Variants in MAGI2 observed in about 807,000 individuals in gnomAD.
MAGI2 encodes membrane-associated guanylate kinase, WW and PDZ domain-containing protein 2.
Under a neutral mutation model 133.3 loss-of-function variants are expected in MAGI2, and 35 were observed. The observed-to-expected ratio is 0.26, with a 90% CI of 0.20 to 0.35. The LOEUF is 0.35. Among genes scored for constraint, MAGI2 ranks in the 10% least tolerant of loss-of-function variants. The pLI is 1.00. For missense variants in MAGI2, 1,636 were observed against 1,863.4 expected (o/e 0.88, Z 2.25); for synonymous variants, 729 against 710.6 (o/e 1.03, Z -0.41).
At position 79,117,958 on chromosome 7, in the gene MAGI2, G is replaced by A. The variant is rs1819550992; in HGVS notation, c.302-110752C>T. Among the ~76,000 whole-genome samples, 7 of 152,170 alleles carry A rather than the reference G, an allele frequency of 4.6e-5. No individual in the cohort carries two copies. In the South Asian group the frequency reaches 1.4e-3, roughly 32 times the overall value. On this transcript the variant is annotated intron_variant, in intron 1 of 21. Transcript: ENST00000354212. ...ATTCAACTATTCACTGCTTTATGCA[G>A]GTGATAGGTGTTCTCTATTGTAAAC...
At chr7:78,209,024 C>A (rs575169862) in intron 10 of MAGI2, among the ~76,000 whole-genome samples, 1 of 149,954 alleles carries the variant, frequency 6.7e-6, no homozygotes, top group South Asian at 2.1e-4. Context: ...AGATCGAGAC[C>A]ATCTGGGCTA....
intron 10 of MAGI2, among the ~76,000 whole-genome samples, chr7:78,244,523 GA>G (rs1791553002): frequency 6.6e-6 from 1 of 152,104 alleles, no homozygotes; most frequent in Non-Finnish European, 1.5e-5. Context: ...AGATAACTTT[GA>G]AGATAATTAA....
In MAGI2 at chr7:78,612,677, AT is replaced by A. The variant is rs927827260; in HGVS notation, c.538+14442del. Reference sequence around the variant, plus strand: ...GGAAAATCACATTTTATTTTTTTTAATTTTTTTTTTGAGGCGGGGTCTCGCT... The same window carrying A: ...GGAAAATCACATTTTATTTTTTTTAATTTTTTTTTGAGGCGGGGTCTCGCT... On this transcript the variant is annotated intron_variant, in intron 3 of 21. Coordinates refer to ENST00000354212, the MANE Select transcript of MAGI2 (RefSeq NM_012301.4). 6.8e-3 allele frequency among the ~76,000 whole-genome samples: 1,016 copies of A among 149,902 alleles called. 12 individuals are homozygous for A. Among genetic ancestry groups the A allele is most frequent in the African/African-American group, 0.018 (739 of 40,962 alleles).
At chr7:78,565,474 TAAAAA>T (rs59788873) in intron 3 of MAGI2, among the ~76,000 whole-genome samples, 1 of 129,230 alleles carries the variant, frequency 7.7e-6, no homozygotes, top group Admixed American at 7.8e-5. Flanking sequence ...TCTAAAACGC[TAAAAA>T]AAAAAAAAAG....
intron 16 of MAGI2, among the ~76,000 whole-genome samples, chr7:78,146,259 C>CT (rs1823299875): frequency 2.0e-5 from 3 of 151,968 alleles, no homozygotes; most frequent in Admixed American, 1.3e-4. Context: ...TGAGTTGTCA[C>CT]TTTTTTGTCT....
At chr7:79,440,864 C>T (rs764869969) in intron 1 of MAGI2, among the ~76,000 whole-genome samples, 1 of 152,180 alleles carries the variant, frequency 6.6e-6, no homozygotes, top group Non-Finnish European at 1.5e-5. Flanking sequence ...CCTCATTCTG[C>T]TCTGCCATCC....
At chr7:78,443,399 G>A (rs2362599) in intron 6 of MAGI2, among the ~76,000 whole-genome samples, 1,911 of 152,156 alleles carry the variant, frequency 0.013, 43 homozygotes, top group African/African-American at 0.044. Flanking sequence ...AGACACACTT[G>A]GTCATCCTTT....
chr7:78,796,578 G>A (rs1215250791), intron 2 of MAGI2, among the ~76,000 whole-genome samples: 1 of 152,120 alleles, frequency 6.6e-6, no homozygotes, highest in Non-Finnish European at 1.5e-5. Flanking sequence ...ACGGTATGGA[G>A]GTTCCTCAAA....
At position 79,452,274 on chromosome 7, in the gene MAGI2, C is replaced by A. The variant is rs1170580819; in HGVS notation, c.301+746G>T. Among the ~76,000 whole-genome samples the A allele has an allele frequency of 3.3e-5, 5 of 152,184 alleles. No individual in the cohort carries two copies. The East Asian group carries it at 7.7e-4, about 24-fold the overall frequency. ...CCGACCCCCGCCCAGCACTAGACTG[C>A]GCTCCTAGCACCGCGCCTTCTTCCG... is the stretch of plus-strand genomic sequence containing the variant. On this transcript the variant is annotated intron_variant, in intron 1 of 21. Transcript: ENST00000354212.
intron 9 of MAGI2, among the ~76,000 whole-genome samples, chr7:78,281,731 C>A (rs1035988551): frequency 2.0e-5 from 3 of 151,176 alleles, no homozygotes; most frequent in African/African-American, 7.3e-5. Flanking sequence ...GAAAGCTACA[C>A]ATTATCCTGA....
chr7:78,452,157 A>G (rs1248719234), intron 6 of MAGI2, among the ~76,000 whole-genome samples: 3 of 152,046 alleles, frequency 2.0e-5, no homozygotes, highest in South Asian at 2.1e-4. Context: ...CAAAAACTCT[A>G]TGAGGTATTA....
chr7:79,303,298 GAAATA>G (rs1837523027), intron 1 of MAGI2, among the ~76,000 whole-genome samples: 2 of 7,048 alleles, frequency 2.8e-4, no homozygotes, highest in Non-Finnish European at 5.1e-3. Context: ...AAAAGCCATT[GAAATA>G]AAAAAAAACT....
At chr7:79,077,586 A>G in intron 1 of MAGI2, among the ~76,000 whole-genome samples, 1 of 135,566 alleles carries the variant, frequency 7.4e-6, no homozygotes, top group African/African-American at 2.7e-5. Flanking sequence ...AAAAAAAAAA[A>G]AAAAAAAAAT....
rs1836031907 is a variant in MAGI2 at position 79,286,718 on chromosome 7, C to T, written c.301+166302G>A. 2.0e-5 allele frequency among the ~76,000 whole-genome samples: 3 copies of T among 152,062 alleles called. 1 individual carries two copies. The South Asian group carries it at 6.2e-4, about 32-fold the overall frequency. On this transcript the variant is annotated intron_variant, in intron 1 of 21. Transcript: ENST00000354212. ...CAACTTTTGGGTTACAGACTCTGTC[C>T]CTAGGAAATCAACTGTTTTTCAGTT... is the stretch of plus-strand genomic sequence containing the variant.
chr7:79,171,754 A>ATATATATG (rs1478094350), intron 1 of MAGI2, among the ~76,000 whole-genome samples: 5 of 30,050 alleles, frequency 1.7e-4, no homozygotes, highest in Non-Finnish European at 2.1e-4. Context: ...ATATATATAT[A>ATATATATG]TATATATATA....
At chr7:78,325,487 C>T (rs898402271) in intron 9 of MAGI2, among the ~76,000 whole-genome samples, 2 of 152,172 alleles carry the variant, frequency 1.3e-5, no homozygotes, top group African/African-American at 4.8e-5. Flanking sequence ...CCTAGTTGCT[C>T]CAGCTTGAAA....
chr7:78,827,198 C>T (rs189303790), intron 2 of MAGI2, among the ~76,000 whole-genome samples: 66 of 152,246 alleles, frequency 4.3e-4, no homozygotes, highest in African/African-American at 1.5e-3. Flanking sequence ...AAGAAGCCTA[C>T]CTAGGGCACA....
intron 9 of MAGI2, among the ~76,000 whole-genome samples, chr7:78,312,785 C>G (rs1032078550): frequency 1.3e-5 from 2 of 151,788 alleles, no homozygotes; most frequent in African/African-American, 4.8e-5. Context: ...CAATCCCACT[C>G]AAGGGTATAT....
chr7:78,086,300 C>T (rs1212927054), intron 20 of MAGI2, among the ~76,000 whole-genome samples: 4 of 145,192 alleles, frequency 2.8e-5, no homozygotes, highest in African/African-American at 5.1e-5. Context: ...TGCAGTGGCA[C>T]GATCTTGGCC....
Sources: allele counts gnomAD v4.1 joint callset (sites outside exome capture counted in the v4.1 genomes callset), GRCh38; gene constraint gnomAD v4.1.1; transcripts MANE v1.5; gene names NCBI Gene and HGNC (gene_info 2026-07-23, HGNC 2026-07-21).